ADORA2B: variants seen among roughly 807,000 people sequenced by gnomAD.
ADORA2B encodes the protein adenosine receptor A2b.
In ADORA2B, 18 loss-of-function variants were observed where a neutral mutation model predicts 20.8. The ratio of observed to expected loss-of-function variants is 0.87; its 90% CI spans 0.60 to 1.29. ADORA2B has a LOEUF of 1.29. Among genes scored for constraint, ADORA2B ranks in the 50% most tolerant of loss-of-function variants. The pLI, the probability that ADORA2B is intolerant of heterozygous loss-of-function variation, is 0.00. For missense variants in ADORA2B, 441 were observed against 422.7 expected (o/e 1.04, Z -0.38); for synonymous variants, 179 against 178.3 (o/e 1.00, Z -0.03).
At chr17:15,939,279 G>C in the ADORA2B span, among the ~76,000 whole-genome samples, 2 of 152,042 alleles carry the variant, frequency 1.3e-5, no homozygotes, top group Non-Finnish European at 2.9e-5. Flanking sequence ...CTGACCTTGT[G>C]ATCCTCCCTC....
At chr17:15,867,344 G>A in the ADORA2B span, among the ~76,000 whole-genome samples, 2 of 151,616 alleles carry the variant, frequency 1.3e-5, no homozygotes, top group East Asian at 2.0e-4. Context: ...AGTGAGGAGC[G>A]TCTCTGCCAG....
chr17:15,969,106 T>C (rs1395300881), intron 1 of ADORA2B, among the ~76,000 whole-genome samples: 1 of 152,150 alleles, frequency 6.6e-6, no homozygotes, highest in Non-Finnish European at 1.5e-5. Flanking sequence ...CTTCCCCACA[T>C]GCCCTGGACC....
the ADORA2B span, among the ~76,000 whole-genome samples, chr17:15,886,518 C>T: frequency 7.7e-6 from 1 of 129,826 alleles, no homozygotes; most frequent in African/African-American, 3.3e-5. Flanking sequence ...CTTCTGGACA[C>T]AGGTAAATGC....
At chr17:15,965,713 G>C (rs1320953469) in intron 1 of ADORA2B, among the ~76,000 whole-genome samples, 1 of 152,214 alleles carries the variant, frequency 6.6e-6, no homozygotes, top group Non-Finnish European at 1.5e-5. Flanking sequence ...TGGGCTCCTG[G>C]GAACAAGAAA....
At chr17:15,966,197 C>T (rs976249319) in intron 1 of ADORA2B, among the ~76,000 whole-genome samples, 2 of 152,184 alleles carry the variant, frequency 1.3e-5, no homozygotes, top group African/African-American at 4.8e-5. Context: ...AAGAAACATC[C>T]CTAAAACAAA....
intron 1 of ADORA2B, among the ~76,000 whole-genome samples, chr17:15,964,886 C>A (rs779322584): frequency 2.6e-5 from 4 of 151,984 alleles, no homozygotes; most frequent in African/African-American, 7.2e-5. Context: ...ACGGTGAAAC[C>A]CCGTCTCTAC....
At chr17:15,921,941 A>T in the ADORA2B span, among the ~76,000 whole-genome samples, 1 of 152,182 alleles carries the variant, frequency 6.6e-6, no homozygotes, top group Non-Finnish European at 1.5e-5. Flanking sequence ...ATATTTCATT[A>T]GTCCCATGGC....
At chr17:15,894,051 A>G in the ADORA2B span, among the ~76,000 whole-genome samples, 5 of 152,188 alleles carry the variant, frequency 3.3e-5, no homozygotes, top group African/African-American at 4.8e-5. Context: ...TCAACCCCTG[A>G]CCTAGAACAT....
upstream of ADORA2B, among the ~76,000 whole-genome samples, chr17:15,942,957 C>G (rs541276178): frequency 6.6e-6 from 1 of 152,328 alleles, no homozygotes; most frequent in East Asian, 1.9e-4. Context: ...GAAGCCTCCT[C>G]TAACCCTTTG....
At chr17:15,964,937 G>C (rs1182283745) in intron 1 of ADORA2B, among the ~76,000 whole-genome samples, 1 of 152,036 alleles carries the variant, frequency 6.6e-6, no homozygotes, top group South Asian at 2.1e-4. Flanking sequence ...GCGGGTGCCT[G>C]TAGTCCCAGC....
the ADORA2B span, among the ~76,000 whole-genome samples, chr17:15,910,267 G>A: frequency 6.6e-6 from 1 of 152,092 alleles, no homozygotes; most frequent in African/African-American, 2.4e-5. Flanking sequence ...GCAGCCCAGG[G>A]TGGCTTTGAA....
At chr17:15,880,386 A>G in the ADORA2B span, among the ~76,000 whole-genome samples, 3 of 136,136 alleles carry the variant, frequency 2.2e-5, no homozygotes, top group South Asian at 4.9e-4. Flanking sequence ...GTTTCCATCT[A>G]TGTTTTGAGG....
At chr17:15,934,538 A>G in the ADORA2B span, among the ~76,000 whole-genome samples, 1 of 152,062 alleles carries the variant, frequency 6.6e-6, no homozygotes, top group Non-Finnish European at 1.5e-5. Context: ...TATATCTTAT[A>G]TCCTTTTTGT....
At chr17:15,910,825 A>G in the ADORA2B span, among the ~76,000 whole-genome samples, 2 of 152,286 alleles carry the variant, frequency 1.3e-5, no homozygotes, top group Non-Finnish European at 1.5e-5. Context: ...CAGAGGTGGC[A>G]TCTGGGCTCT....
At chr17:15,949,036 T>C (rs943887527) in intron 1 of ADORA2B, among the ~76,000 whole-genome samples, 7 of 149,630 alleles carry the variant, frequency 4.7e-5, no homozygotes, top group African/African-American at 1.7e-4. Flanking sequence ...GGTGAAACCC[T>C]GTCTCTACTG....
chr17:15,919,960 C>T, the ADORA2B span, among the ~76,000 whole-genome samples: 1 of 152,192 alleles, frequency 6.6e-6, no homozygotes, highest in Non-Finnish European at 1.5e-5. Flanking sequence ...TTAGCGTCAG[C>T]GTGAAATCCT....
the ADORA2B span, among the ~76,000 whole-genome samples, chr17:15,904,984 T>G: frequency 6.6e-6 from 1 of 152,226 alleles, no homozygotes; most frequent in African/African-American, 2.4e-5. Context: ...AATCTAGTCT[T>G]CTTTGTTCTT....
chr17:15,910,588 C>T, the ADORA2B span, among the ~76,000 whole-genome samples: 4 of 152,214 alleles, frequency 2.6e-5, no homozygotes, highest in African/African-American at 7.2e-5. Context: ...CATGAGCCAC[C>T]GTGCCCGGCC....
the ADORA2B span, among the ~76,000 whole-genome samples, chr17:15,925,368 C>A: frequency 1.3e-5 from 2 of 152,038 alleles, no homozygotes; most frequent in African/African-American, 2.4e-5. Context: ...ATGGGGGTCT[C>A]AAACTCCTGG....
Sources: gnomAD v4.1 joint callset for allele counts (sites outside exome capture counted in the v4.1 genomes callset) on GRCh38, gnomAD v4.1.1 for gene constraint, MANE v1.5 for transcripts, NCBI Gene and HGNC (gene_info 2026-07-23, HGNC 2026-07-21) for gene names.